Variants in NDST3 observed in about 807,000 individuals in gnomAD.
The protein encoded by NDST3 is N-deacetylase and N-sulfotransferase 3.
A neutral mutation model predicts 96.1 loss-of-function variants in NDST3; 58 were observed. The ratio of observed to expected loss-of-function variants is 0.60; its 90% CI spans 0.49 to 0.75. The LOEUF is 0.75. Among genes scored for constraint, NDST3 ranks in the 30% least tolerant of loss-of-function variants. NDST3 has a pLI of 0.00. For missense variants in NDST3, 788 were observed against 1,034.2 expected (o/e 0.76, Z 3.27); for synonymous variants, 333 against 359.7 (o/e 0.93, Z 0.84).
intron 6 of NDST3, among the ~76,000 whole-genome samples, chr4:118,196,725 G>A (rs1179278761): frequency 6.6e-6 from 1 of 150,990 alleles, no homozygotes; most frequent in Admixed American, 6.6e-5. Flanking sequence ...TACATATTTG[G>A]ATCTTCTTTT....
At chr4:118,165,338 T>C (rs1461196628) in intron 6 of NDST3, among the ~76,000 whole-genome samples, 1 of 151,894 alleles carries the variant, frequency 6.6e-6, no homozygotes, top group Non-Finnish European at 1.5e-5. Context: ...AAGAAGGACA[T>C]AATCTAGTGA....
chr4:118,047,292 T>C (rs1441928237), intron 1 of NDST3, among the ~76,000 whole-genome samples: 1 of 152,224 alleles, frequency 6.6e-6, no homozygotes, highest in Admixed American at 6.5e-5. Flanking sequence ...AAAGAAACAC[T>C]GGACTTCTTA....
chr4:118,214,703 G>A lies in NDST3; in HGVS notation c.1540-9788G>A, dbSNP rs142488763. 9.4e-3 allele frequency among the ~76,000 whole-genome samples: 1,424 copies of A among 152,196 alleles called. 26 individuals are homozygous for A. The highest frequency in any genetic ancestry group is 0.082 in the Middle Eastern group (24 of 294). On this transcript the variant is annotated intron_variant, in intron 6 of 13. Coordinates refer to ENST00000296499, the MANE Select transcript of NDST3 (RefSeq NM_004784.3). ...CAATGAAAGATTAAACCAGGCAAGT[G>A]CAAATAGGGATAGAGAGGATCCGTT...
intron 8 of NDST3, among the ~76,000 whole-genome samples, chr4:118,232,611 C>T (rs1212019804): frequency 6.7e-6 from 1 of 149,992 alleles, no homozygotes; most frequent in Non-Finnish European, 1.5e-5. Flanking sequence ...ACACTCCAGC[C>T]TGGGCAATAT....
At chr4:118,062,118 C>T (rs1375819109) in intron 2 of NDST3, among the ~76,000 whole-genome samples, 5 of 152,164 alleles carry the variant, frequency 3.3e-5, no homozygotes, top group Middle Eastern at 3.2e-3. Flanking sequence ...ACAGAAAAAC[C>T]TTTAGGCTGA....
chr4:118,192,117 A>C (rs1737344292), intron 6 of NDST3, among the ~76,000 whole-genome samples: 1 of 152,126 alleles, frequency 6.6e-6, no homozygotes, highest in Non-Finnish European at 1.5e-5. Context: ...TCCTTTGCAC[A>C]TTTTTTATCA....
intron 5 of NDST3, among the ~76,000 whole-genome samples, chr4:118,141,860 T>C (rs1486205390): frequency 6.6e-6 from 1 of 152,182 alleles, no homozygotes. Context: ...ATGGATCTAG[T>C]ATTCTAGCAT....
intron 2 of NDST3, among the ~76,000 whole-genome samples, chr4:118,090,683 C>G (rs1376031266): frequency 6.6e-6 from 1 of 151,790 alleles, no homozygotes; most frequent in Non-Finnish European, 1.5e-5. Context: ...TCTTTCTTCA[C>G]TCGAAGGAAG....
intron 3 of NDST3, among the ~76,000 whole-genome samples, chr4:118,110,594 T>A (rs529727419): frequency 7.9e-5 from 12 of 152,222 alleles, no homozygotes; most frequent in African/African-American, 2.6e-4. Context: ...AAATATAATA[T>A]CAGAATAGCA....
chr4:118,144,757 AT>A (rs1480149053), intron 6 of NDST3, among the ~76,000 whole-genome samples: 1 of 146,492 alleles, frequency 6.8e-6, no homozygotes, highest in Admixed American at 6.9e-5. Context: ...AAAAAAAAAA[AT>A]TATCAGTGAA....
chr4:118,163,314 T>G (rs1015759352), intron 6 of NDST3, among the ~76,000 whole-genome samples: 10 of 152,206 alleles, frequency 6.6e-5, no homozygotes, highest in African/African-American at 1.7e-4. Context: ...ATGTTTACTG[T>G]GGCTCTGTTC....
At chr4:118,201,131 C>G (rs574976323) in intron 6 of NDST3, among the ~76,000 whole-genome samples, 1 of 152,270 alleles carries the variant, frequency 6.6e-6, no homozygotes, top group African/African-American at 2.4e-5. Flanking sequence ...TTTTTTATAA[C>G]TGTGTACTAT....
intron 3 of NDST3, 70 bp downstream of exon 3, chr4:118,105,175 C>G: frequency 9.0e-7 from 1 of 1,113,850 alleles, no homozygotes; most frequent in Non-Finnish European, 1.4e-6. Context: ...GCACACTTTT[C>G]CTGCCCACAC....
At chr4:118,236,052 T>C (rs1376376989) in intron 9 of NDST3, among the ~76,000 whole-genome samples, 1 of 152,222 alleles carries the variant, frequency 6.6e-6, no homozygotes, top group East Asian at 1.9e-4. Context: ...AAACAGGTCA[T>C]TGCATGAATA....
At chr4:118,180,048 A>T (rs972137082) in intron 6 of NDST3, among the ~76,000 whole-genome samples, 1 of 151,926 alleles carries the variant, frequency 6.6e-6, no homozygotes, top group Non-Finnish European at 1.5e-5. Flanking sequence ...ATAGAGGGGG[A>T]GTGGAGGAAG....
At chr4:118,180,988 C>G (rs1428035530) in intron 6 of NDST3, among the ~76,000 whole-genome samples, 2 of 152,072 alleles carry the variant, frequency 1.3e-5, no homozygotes, top group Non-Finnish European at 2.9e-5. Flanking sequence ...AGGCAAAGTG[C>G]CACCTCATAG....
intron 6 of NDST3, among the ~76,000 whole-genome samples, chr4:118,197,699 T>C (rs1737785006): frequency 6.6e-6 from 1 of 152,084 alleles, no homozygotes; most frequent in Admixed American, 6.5e-5. Context: ...GTGTGTTTTA[T>C]AGGTGAAGTC....
At chr4:118,105,170 C>G (rs1190824670) in intron 3 of NDST3, 65 bp downstream of exon 3, 2 of 1,206,342 alleles carry the variant, frequency 1.7e-6, no homozygotes, top group East Asian at 2.4e-5. Flanking sequence ...AAATTGCACA[C>G]TTTTCCTGCC....
At chr4:118,121,467 A>T (rs1461771475) in intron 4 of NDST3, among the ~76,000 whole-genome samples, 2 of 152,220 alleles carry the variant, frequency 1.3e-5, no homozygotes, top group Admixed American at 6.5e-5. Context: ...AGGTGGCAGA[A>T]TCACAGAACA....
Sources: allele counts gnomAD v4.1 joint callset (sites outside exome capture counted in the v4.1 genomes callset), GRCh38; gene constraint gnomAD v4.1.1; transcripts MANE v1.5; gene names NCBI Gene and HGNC (gene_info 2026-07-23, HGNC 2026-07-21).